The following PTPRK variants were observed in gnomAD, a reference collection of about 807,000 sequenced individuals.
PTPRK encodes the protein receptor-type tyrosine-protein phosphatase kappa.
Under a neutral mutation model 178.0 loss-of-function variants are expected in PTPRK, and 75 were observed. The observed-to-expected ratio is 0.42, with a 90% CI of 0.35 to 0.51. The LOEUF is 0.51. Among genes scored for constraint, PTPRK ranks in the 20% least tolerant of loss-of-function variants. PTPRK has a pLI of 0.02. For synonymous variants in PTPRK, 637 were observed against 620.6 expected, an observed-to-expected ratio of 1.03 and a Z score of -0.39; for missense variants, 1,441 against 1,797.8, an observed-to-expected ratio of 0.80 and a Z score of 3.59.
At position 128,242,518 on chromosome 6, in the gene PTPRK, T is replaced by C; in HGVS notation, c.577+3A>G. On this transcript the variant is annotated splice_donor_region_variant and intron_variant, in intron 4 of 29. Transcript: ENST00000368226. ...AAAAATACAATTCTTAATCACAACC[T>C]ACCACAAGGATAACTCAGTACTTGG... 6.2e-7 allele frequency: 1 copy of C among 1,611,124 alleles called. No individual in the cohort carries two copies. Among genetic ancestry groups the C allele is most frequent in the Non-Finnish European group, 8.5e-7 (1 of 1,179,050 alleles).
intron 1 of PTPRK, among the ~76,000 whole-genome samples, chr6:128,418,364 G>T (rs964285269): frequency 1.3e-5 from 2 of 152,318 alleles, no homozygotes; most frequent in East Asian, 3.9e-4. Flanking sequence ...TCTGTGGCTT[G>T]TTAGGAACCC....
chr6:128,297,070 C>G (rs1824578729), intron 3 of PTPRK, among the ~76,000 whole-genome samples: 1 of 151,340 alleles, frequency 6.6e-6, no homozygotes, highest in African/African-American at 2.4e-5. Context: ...GCAGGGGTTG[C>G]AATCCTAGTC....
intron 7 of PTPRK, among the ~76,000 whole-genome samples, chr6:128,115,163 A>G (rs1235370122): frequency 6.6e-6 from 1 of 152,024 alleles, no homozygotes; most frequent in African/African-American, 2.4e-5. Context: ...ACCATACCCC[A>G]AAATCATACA....
At chr6:127,985,647 G>T in intron 22 of PTPRK, 74 bp downstream of exon 22, 4 of 1,421,484 alleles carry the variant, frequency 2.8e-6, no homozygotes, top group South Asian at 1.5e-5. Context: ...TAGTTTTTGT[G>T]CTCAAAAGCC....
intron 2 of PTPRK, among the ~76,000 whole-genome samples, chr6:128,327,761 A>C (rs954506560): frequency 6.6e-6 from 1 of 152,212 alleles, no homozygotes; most frequent in Admixed American, 6.5e-5. Context: ...ATTACTACCT[A>C]TAAGAAGATA....
chr6:128,000,163 C>G, intron 15 of PTPRK: 1 of 963,386 alleles, frequency 1.0e-6, no homozygotes, highest in Non-Finnish European at 1.2e-6. Context: ...AAAATACACT[C>G]TTAGGGGAAC....
intron 1 of PTPRK, among the ~76,000 whole-genome samples, chr6:128,410,286 T>C (rs529380631): frequency 6.6e-6 from 1 of 152,314 alleles, no homozygotes; most frequent in African/African-American, 2.4e-5. Flanking sequence ...AGGAAATATG[T>C]GCACCCTCTC....
chr6:128,210,675 C>G lies in PTPRK; in HGVS notation c.868+8247G>C, dbSNP rs1405789930. 2.6e-5 allele frequency among the ~76,000 whole-genome samples: 4 copies of G among 151,954 alleles called. 1 individual carries two copies. Among genetic ancestry groups the G allele is most frequent in the Admixed American group, 2.6e-4 (4 of 15,252 alleles). On this transcript the variant is annotated intron_variant, in intron 6 of 29. Coordinates refer to ENST00000368226, the MANE Select transcript of PTPRK (RefSeq NM_002844.4). ...AGTCAGGGGATATTTCATTTAAGGTCACTTAGAACAGGAAAGGACTGTGAT... is the reference window on the plus strand; with the variant it reads ...AGTCAGGGGATATTTCATTTAAGGTGACTTAGAACAGGAAAGGACTGTGAT...
At chr6:128,306,410 T>C (rs992744722) in intron 3 of PTPRK, among the ~76,000 whole-genome samples, 6 of 152,144 alleles carry the variant, frequency 3.9e-5, no homozygotes, top group African/African-American at 1.4e-4. Flanking sequence ...ACAGATGTTA[T>C]AAAACAGAAC....
intron 5 of PTPRK, among the ~76,000 whole-genome samples, chr6:128,232,897 T>C (rs1583602445): frequency 6.6e-6 from 1 of 152,342 alleles, no homozygotes; most frequent in East Asian, 1.9e-4. Flanking sequence ...TTGCATTGCA[T>C]TGTTTTTTCT....
intron 7 of PTPRK, among the ~76,000 whole-genome samples, chr6:128,145,680 T>C (rs1439997950): frequency 6.7e-6 from 1 of 148,744 alleles, no homozygotes; most frequent in Non-Finnish European, 1.5e-5. Flanking sequence ...TCAAAAAAGA[T>C]TACTTACTAA....
intron 7 of PTPRK, among the ~76,000 whole-genome samples, chr6:128,120,754 A>C (rs1228154164): frequency 6.6e-6 from 1 of 151,944 alleles, no homozygotes. Flanking sequence ...AAATTTTTTT[A>C]AGGAAGTATT....
intron 14 of PTPRK, 108 bp downstream of exon 14, chr6:128,009,021 AT>A: frequency 9.8e-7 from 1 of 1,018,598 alleles, no homozygotes; most frequent in Non-Finnish European, 1.4e-6. Context: ...TAAAATTAAA[AT>A]TTTCTTCCTG....
intron 13 of PTPRK, among the ~76,000 whole-genome samples, chr6:128,055,263 G>T (rs1001283909): frequency 5.9e-5 from 9 of 152,014 alleles, no homozygotes; most frequent in Non-Finnish European, 1.2e-4. Flanking sequence ...AGGACTCAAA[G>T]AATAAGAAAA....
chr6:128,410,583 G>A lies in PTPRK; in HGVS notation c.101-12895C>T, dbSNP rs193209995. Among the ~76,000 whole-genome samples the A allele has an allele frequency of 8.5e-4, 129 of 152,122 alleles. No homozygotes were observed. In the South Asian group the frequency reaches 1.0e-2, roughly 12 times the overall value. ...ATGATTTGTCATGTGGCCTTGCATCGGGCTGTGGTAACCTCCACAACAGGC... is the reference window on the plus strand; with the variant it reads ...ATGATTTGTCATGTGGCCTTGCATCAGGCTGTGGTAACCTCCACAACAGGC... On this transcript the variant is annotated intron_variant, in intron 1 of 29. Coordinates refer to ENST00000368226, the MANE Select transcript of PTPRK (RefSeq NM_002844.4).
At chr6:128,256,043 A>C (rs1326048888) in intron 3 of PTPRK, among the ~76,000 whole-genome samples, 3 of 152,258 alleles carry the variant, frequency 2.0e-5, no homozygotes, top group African/African-American at 7.2e-5. Flanking sequence ...TTCAACAAGA[A>C]GAAATTTATG....
intron 11 of PTPRK, among the ~76,000 whole-genome samples, chr6:128,070,333 C>T (rs1782597222): frequency 1.3e-5 from 2 of 152,122 alleles, no homozygotes; most frequent in South Asian, 4.1e-4. Flanking sequence ...CCCCAAAATT[C>T]ATGTTAAAAC....
At chr6:128,437,884 G>T (rs1025463793) in intron 1 of PTPRK, among the ~76,000 whole-genome samples, 15 of 152,192 alleles carry the variant, frequency 9.9e-5, no homozygotes, top group African/African-American at 3.4e-4. Context: ...AGAAGGGCAG[G>T]GTTAACAGGA....
chr6:128,091,332 G>A (rs961105299), intron 7 of PTPRK, among the ~76,000 whole-genome samples: 12 of 152,116 alleles, frequency 7.9e-5, no homozygotes, highest in African/African-American at 1.2e-4. Flanking sequence ...TTTAAAAATC[G>A]TTTTATATGT....
Sources: allele counts gnomAD v4.1 joint callset (sites outside exome capture counted in the v4.1 genomes callset), GRCh38; gene constraint gnomAD v4.1.1; transcripts MANE v1.5; gene names NCBI Gene and HGNC (gene_info 2026-07-23, HGNC 2026-07-21).